The following SLX4IP variants were observed in gnomAD, a reference collection of about 807,000 sequenced individuals.
The protein encoded by SLX4IP is protein SLX4IP.
SLX4IP carries 34 observed loss-of-function variants against 32.9 expected under a neutral mutation model. The ratio of observed to expected loss-of-function variants is 1.03; its 90% CI spans 0.79 to 1.38. The LOEUF (loss-of-function observed/expected upper bound fraction) is 1.38. Among genes scored for constraint, SLX4IP ranks in the 40% most tolerant of loss-of-function variants. The pLI, the probability that SLX4IP is intolerant of heterozygous loss-of-function variation, is 0.00. For missense variants in SLX4IP, 444 were observed against 479.0 expected (o/e 0.93, Z 0.68); for synonymous variants, 172 against 171.7 (o/e 1.00, Z -0.01).
At chr20:10,440,747 A>G (rs1473470569) in intron 1 of SLX4IP, among the ~76,000 whole-genome samples, 1 of 152,158 alleles carries the variant, frequency 6.6e-6, no homozygotes, top group African/African-American at 2.4e-5. Flanking sequence ...TATTTTATTA[A>G]TGATTATCAG....
chr20:10,510,573 A>G (rs2065797730), intron 2 of SLX4IP, among the ~76,000 whole-genome samples: 1 of 150,008 alleles, frequency 6.7e-6, no homozygotes, highest in Admixed American at 6.6e-5. Flanking sequence ...CTTGCAAATT[A>G]TTGTTGTTAT....
chr20:10,622,579 G>A (rs2067123870), intron 7 of SLX4IP, 80 bp from the exon 8 acceptor site: 7 of 1,511,582 alleles, frequency 4.6e-6, no homozygotes, highest in Non-Finnish European at 6.2e-6. Flanking sequence ...TTCAGGTGTA[G>A]GAAATGTGGT....
chr20:10,435,751 CA>C (rs2065106148), intron 1 of SLX4IP, among the ~76,000 whole-genome samples: 1 of 152,232 alleles, frequency 6.6e-6, no homozygotes, highest in Admixed American at 6.5e-5. Context: ...CTGCATCCAG[CA>C]GTACAAATAC....
At chr20:10,475,427 G>C (rs1252036076) in intron 2 of SLX4IP, among the ~76,000 whole-genome samples, 1 of 152,178 alleles carries the variant, frequency 6.6e-6, no homozygotes, top group East Asian at 1.9e-4. Flanking sequence ...ACTAGAACTT[G>C]AAATGGGCAG....
intron 2 of SLX4IP, among the ~76,000 whole-genome samples, chr20:10,477,950 T>C (rs1253460259): frequency 6.8e-6 from 1 of 147,064 alleles, no homozygotes; most frequent in Non-Finnish European, 1.5e-5. Flanking sequence ...CATGCTGGAG[T>C]GGGAGTGGCG....
chr20:10,572,128 G>A (rs1434042519), intron 4 of SLX4IP, among the ~76,000 whole-genome samples: 1 of 152,068 alleles, frequency 6.6e-6, no homozygotes, highest in Non-Finnish European at 1.5e-5. Flanking sequence ...AGGCTTCTTA[G>A]CCCTTCTTTT....
At chr20:10,544,727 G>A (rs182538605) in intron 2 of SLX4IP, among the ~76,000 whole-genome samples, 1 of 151,886 alleles carries the variant, frequency 6.6e-6, no homozygotes, top group Non-Finnish European at 1.5e-5. Flanking sequence ...TTACACTAAA[G>A]GAATTATTTT....
At chr20:10,470,923 A>T (rs2065419478) in intron 2 of SLX4IP, among the ~76,000 whole-genome samples, 1 of 152,162 alleles carries the variant, frequency 6.6e-6, no homozygotes, top group Admixed American at 6.5e-5. Context: ...GGATTCCTGA[A>T]TGCATGTTGT....
intron 2 of SLX4IP, among the ~76,000 whole-genome samples, chr20:10,553,903 T>TG (rs1231203423): frequency 6.6e-6 from 1 of 152,228 alleles, no homozygotes; most frequent in Non-Finnish European, 1.5e-5. Context: ...AAACTTCATT[T>TG]GGGTCTCCCA....
chr20:10,497,333 A>G (rs566782067), intron 2 of SLX4IP, among the ~76,000 whole-genome samples: 1 of 152,174 alleles, frequency 6.6e-6, no homozygotes, highest in Non-Finnish European at 1.5e-5. Flanking sequence ...GACATCTGCC[A>G]TTAGATTTTG....
intron 5 of SLX4IP, among the ~76,000 whole-genome samples, chr20:10,599,076 A>C (rs2066809927): frequency 6.6e-6 from 1 of 152,190 alleles, no homozygotes; most frequent in East Asian, 1.9e-4. Flanking sequence ...CATATGGAGC[A>C]GGTGTGTACA....
intron 2 of SLX4IP, among the ~76,000 whole-genome samples, chr20:10,555,920 C>G (rs1381662692): frequency 6.6e-6 from 1 of 152,198 alleles, no homozygotes; most frequent in Non-Finnish European, 1.5e-5. Context: ...TCTCTCGATG[C>G]TTCACGTCTT....
At chr20:10,438,138 G>A (rs970088846) in intron 1 of SLX4IP, among the ~76,000 whole-genome samples, 1 of 152,042 alleles carries the variant, frequency 6.6e-6, no homozygotes, top group African/African-American at 2.4e-5. Flanking sequence ...AGGTATTACA[G>A]TTCTGTGACT....
chr20:10,520,153 C>T (rs1037930707), intron 2 of SLX4IP, among the ~76,000 whole-genome samples: 2 of 151,984 alleles, frequency 1.3e-5, no homozygotes, highest in African/African-American at 2.4e-5. Context: ...TGGGTTCAAG[C>T]GATTCTCCTG....
At chr20:10,573,031 C>G (rs1423442625) in intron 4 of SLX4IP, among the ~76,000 whole-genome samples, 3 of 152,118 alleles carry the variant, frequency 2.0e-5, no homozygotes. Flanking sequence ...AGAAATGTTC[C>G]TCAACTTTCC....
rs11905840 is a variant in SLX4IP at position 10,460,610 on chromosome 20, A to G, written c.27+2379A>G. On this transcript the variant is annotated intron_variant, in intron 2 of 7. Coordinates refer to ENST00000334534, the MANE Select transcript of SLX4IP (RefSeq NM_001009608.3). The stretch of plus-strand genomic sequence containing the variant: ...AGGGGTAGCATCTTAAGACTTGCAC[A>G]ATGAAAGAAGTATAATTTGTCAGTC... Among the ~76,000 whole-genome samples, 1,438 of 152,248 alleles carry G rather than the reference A, an allele frequency of 9.4e-3. 23 individuals are homozygous for G. The highest frequency in any genetic ancestry group is 0.031 in the African/African-American group (1,302 of 41,528).
chr20:10,601,702 T>G (rs2066843798), intron 5 of SLX4IP, 29 bp from the exon 6 acceptor site: 1 of 1,600,106 alleles, frequency 6.2e-7, no homozygotes, highest in East Asian at 2.2e-5. Context: ...TTTGACACCT[T>G]TAAACTTGTT....
chr20:10,521,745 C>T (rs2065902309), intron 2 of SLX4IP, among the ~76,000 whole-genome samples: 1 of 152,178 alleles, frequency 6.6e-6, no homozygotes, highest in Non-Finnish European at 1.5e-5. Flanking sequence ...CCTTCCTCAC[C>T]ACATCTCTCT....
chr20:10,518,473 T>TTTTCC, intron 2 of SLX4IP, among the ~76,000 whole-genome samples: 1 of 46,078 alleles, frequency 2.2e-5, no homozygotes, highest in African/African-American at 6.4e-5. Context: ...CTTTCCTTTC[T>TTTTCC]TTTCCTTTCC....
Sources: gnomAD v4.1 joint callset for allele counts (sites outside exome capture counted in the v4.1 genomes callset) on GRCh38, gnomAD v4.1.1 for gene constraint, MANE v1.5 for transcripts, NCBI Gene and HGNC (gene_info 2026-07-23, HGNC 2026-07-21) for gene names.